Variants in ANKRD31 observed in about 807,000 individuals in gnomAD.
ANKRD31 encodes ankyrin repeat domain 31, also known as ankyrin repeat domain-containing protein 31.
A neutral mutation model predicts 186.0 loss-of-function variants in ANKRD31; 147 were observed. The observed-to-expected ratio is 0.79, with a 90% CI of 0.69 to 0.91. ANKRD31 has a LOEUF of 0.91. Ranked by LOEUF, ANKRD31 falls within the 40% of genes least tolerant of loss-of-function variation. The probability of loss-of-function intolerance (pLI) is 0.00; values close to 1 mark genes in which losing one functional copy is unlikely to be tolerated. For synonymous variants in ANKRD31, 673 were observed against 736.4 expected, an observed-to-expected ratio of 0.91 and a Z score of 1.39; for missense variants, 1,986 against 2,148.8, an observed-to-expected ratio of 0.92 and a Z score of 1.50.
intron 3 of ANKRD31, among the ~76,000 whole-genome samples, chr5:75,215,807 T>G (rs1022217458): frequency 1.2e-4 from 18 of 152,110 alleles, no homozygotes; most frequent in African/African-American, 4.8e-5. Flanking sequence ...CTAATTCCAG[T>G]TGCAAAACAA....
chr5:75,164,568 G>A (rs1208244233), intron 11 of ANKRD31, among the ~76,000 whole-genome samples: 3 of 152,140 alleles, frequency 2.0e-5, no homozygotes, highest in South Asian at 4.1e-4. Context: ...GATAGTTGGC[G>A]AAAGGACTGC....
At chr5:75,185,421 G>A (rs1282936368) in intron 10 of ANKRD31, among the ~76,000 whole-genome samples, 2 of 152,130 alleles carry the variant, frequency 1.3e-5, no homozygotes, top group African/African-American at 4.8e-5. Flanking sequence ...AGTTGGGCAT[G>A]GTGGCGGGCG....
At chr5:75,070,806 T>G (rs1013614730) in intron 25 of ANKRD31, among the ~76,000 whole-genome samples, 5 of 152,234 alleles carry the variant, frequency 3.3e-5, no homozygotes. Flanking sequence ...AAAAATTTTG[T>G]CTGGGGCTGG....
At chr5:75,172,398 G>A (rs1312515415) in intron 10 of ANKRD31, among the ~76,000 whole-genome samples, 1 of 149,860 alleles carries the variant, frequency 6.7e-6, no homozygotes, top group Non-Finnish European at 1.5e-5. Flanking sequence ...TTAAGAATAG[G>A]CTCCTTGATA....
intron 10 of ANKRD31, among the ~76,000 whole-genome samples, chr5:75,176,724 C>G (rs1248536666): frequency 6.6e-6 from 1 of 152,148 alleles, no homozygotes; most frequent in Non-Finnish European, 1.5e-5. Flanking sequence ...ACACCAAAAA[C>G]CCGTCTGTAC....
rs749997184 is a variant in ANKRD31, at chr5:75,154,249, G to A, written c.1804C>T (p.Arg602Cys). The change falls in exon 12 of 26, where the codon CGT becomes TGT. Residue 602 changes from arginine (R) to cysteine (C), a missense_variant. Transcript: ENST00000506364. ...TTAGGGATATATCTCTCAAGGAGAC[G>A]CTTCATACATAAATCCTTGGCCTCA... Reference protein sequence around the residue: ...LDEAKDLCMKRLLERYIPKHQ... With the variant: ...LDEAKDLCMKCLLERYIPKHQ... The A allele has an allele frequency of 5.5e-5, 85 of 1,533,556 alleles. No homozygotes were observed. Among genetic ancestry groups the A allele is most frequent in the Non-Finnish European group, 6.8e-5 (78 of 1,145,014 alleles). The allele number at this position is 1,533,556 out of a possible 1,614,324, so 95.0% of individuals were successfully genotyped here.
intron 1 of ANKRD31, among the ~76,000 whole-genome samples, chr5:75,234,396 C>A (rs1758129425): frequency 6.6e-6 from 1 of 152,212 alleles, no homozygotes; most frequent in Admixed American, 6.5e-5. Context: ...GCCCTGATTA[C>A]TCATGCTCAT....
intron 24 of ANKRD31, among the ~76,000 whole-genome samples, chr5:75,082,554 TG>T (rs939235269): frequency 2.0e-5 from 3 of 152,208 alleles, no homozygotes; most frequent in Non-Finnish European, 2.9e-5. Flanking sequence ...TGCTCACTGG[TG>T]AAGACTACAT....
chr5:75,086,526 A>C (rs1745494639), intron 23 of ANKRD31, among the ~76,000 whole-genome samples: 1 of 152,194 alleles, frequency 6.6e-6, no homozygotes, highest in Non-Finnish European at 1.5e-5. Flanking sequence ...GCATGGTAGG[A>C]AGAGCTGGAG....
At chr5:75,226,807 C>G (rs1235644681) in intron 2 of ANKRD31, among the ~76,000 whole-genome samples, 2 of 152,156 alleles carry the variant, frequency 1.3e-5, no homozygotes, top group Non-Finnish European at 2.9e-5. Flanking sequence ...TGAACCATCA[C>G]ACACTGTTGG....
intron 20 of ANKRD31, among the ~76,000 whole-genome samples, chr5:75,109,377 T>A (rs569582261): frequency 2.9e-4 from 44 of 152,234 alleles, no homozygotes; most frequent in African/African-American, 8.2e-4. Context: ...ATTACTCAGA[T>A]CCCTCAGCCA....
chr5:75,183,740 A>T (rs1754493046), intron 10 of ANKRD31, among the ~76,000 whole-genome samples: 1 of 152,164 alleles, frequency 6.6e-6, no homozygotes, highest in African/African-American at 2.4e-5. Context: ...ACTACAAAAC[A>T]TTGATGAAAC....
Position 75,146,257 on chromosome 5 carries a change from G to C in ANKRD31, c.3154C>G (p.His1052Asp), listed in dbSNP as rs1751426406. Reference sequence around the variant, plus strand: ...TTCTTTGCCATCTTTTCCACAATATGTGTATCTGTTTGATTCATTAAAAAA... The same window carrying C: ...TTCTTTGCCATCTTTTCCACAATATCTGTATCTGTTTGATTCATTAAAAAA... ...PTFLMNQTDT[H>D]IVEKMAKNCD... Residue 1052 changes from histidine to aspartate, a missense_variant, in exon 14 of 26, where the codon CAT becomes GAT. Physicochemically the swap from His to Asp is moderately conservative, Grantham distance 81. Coordinates refer to ENST00000506364, the MANE Select transcript of ANKRD31 (RefSeq NM_001372053.1). 6.5e-6 allele frequency: 10 copies of C among 1,536,396 alleles called. No homozygotes were observed. The highest frequency in any genetic ancestry group is 2.0e-5 in the Admixed American group (1 of 50,920).
chr5:75,082,238 G>A (rs1406866037), intron 24 of ANKRD31, among the ~76,000 whole-genome samples: 1 of 152,202 alleles, frequency 6.6e-6, no homozygotes, highest in Non-Finnish European at 1.5e-5. Context: ...AAATTAGGGT[G>A]CAAAAGTTAG....
chr5:75,137,434 C>G (rs993292004), intron 17 of ANKRD31, among the ~76,000 whole-genome samples: 3 of 151,998 alleles, frequency 2.0e-5, no homozygotes, highest in African/African-American at 7.2e-5. Flanking sequence ...GAAAAAGATG[C>G]AACAAACACC....
At chr5:75,193,084 C>T (rs1755223294) in intron 8 of ANKRD31, among the ~76,000 whole-genome samples, 1 of 152,048 alleles carries the variant, frequency 6.6e-6, no homozygotes, top group Non-Finnish European at 1.5e-5. Context: ...ATGCCACTAT[C>T]CACTCTATTC....
intron 17 of ANKRD31, among the ~76,000 whole-genome samples, chr5:75,134,760 AAT>A: frequency 6.6e-6 from 1 of 152,234 alleles, no homozygotes; most frequent in East Asian, 1.9e-4. Context: ...ACCAATGCAA[AAT>A]CCTCAGTAAA....
At chr5:75,217,726 C>A (rs1411413057) in intron 3 of ANKRD31, among the ~76,000 whole-genome samples, 1 of 152,160 alleles carries the variant, frequency 6.6e-6, no homozygotes, top group African/African-American at 2.4e-5. Flanking sequence ...CACTCTGTGT[C>A]TTTTAATGGG....
intron 11 of ANKRD31, among the ~76,000 whole-genome samples, chr5:75,156,087 T>C (rs1161563821): frequency 6.6e-6 from 1 of 152,110 alleles, no homozygotes; most frequent in Non-Finnish European, 1.5e-5. Context: ...ATATTTTTAG[T>C]AGAGATGGGG....
Sources: gnomAD v4.1 joint callset for allele counts (sites outside exome capture counted in the v4.1 genomes callset) on GRCh38, gnomAD v4.1.1 for gene constraint, MANE v1.5 for transcripts, NCBI Gene and HGNC (gene_info 2026-07-23, HGNC 2026-07-21) for gene names.